Variants in SDR42E1 observed in about 807,000 individuals in gnomAD.
The protein encoded by SDR42E1 is short-chain dehydrogenase/reductase family 42E member 1.
Under a neutral mutation model 2.6 loss-of-function variants are expected in SDR42E1, and 5 were observed. The ratio of observed to expected loss-of-function variants is 1.94; its 90% CI spans 1.01 to 4.08. The LOEUF (loss-of-function observed/expected upper bound fraction) is 4.08, where lower values mean the gene tolerates loss of function less well. SDR42E1 is among the 30% of genes most tolerant of loss of function. The pLI, the probability that SDR42E1 is intolerant of heterozygous loss-of-function variation, is 0.00. For synonymous variants in SDR42E1, 231 were observed against 188.3 expected (o/e 1.23, Z -1.86); for missense variants, 596 against 478.6 (o/e 1.25, Z -2.29).
Position 81,992,801 on chromosome 16 carries a change from GA to G in SDR42E1, c.*6309del, listed in dbSNP as rs1362644396. The stretch of plus-strand genomic sequence containing the variant: ...TCGGTCATAATTACTTGAGTTCAAT[GA>G]ACTCAAGTAATTATGAACGCAACTT... On this transcript the variant is annotated 3_prime_UTR_variant, in exon 3 of 3. Transcript: ENST00000328945. 6.6e-6 allele frequency: 1 copy of G among 151,994 alleles called. No individual in the cohort carries two copies. Among genetic ancestry groups the G allele is most frequent in the Non-Finnish European group, 1.5e-5 (1 of 68,004 alleles). The allele number at this position is 151,994 out of a possible 1,614,324, so 9.4% of individuals were successfully genotyped here.
chr16:81,995,668 T>C lies in SDR42E1; in HGVS notation c.*3443A>G, dbSNP rs1256377736. 1 of 152,242 alleles carries C rather than the reference T, an allele frequency of 6.6e-6. No individual in the cohort carries two copies. Among genetic ancestry groups the C allele is most frequent in the Non-Finnish European group, 1.5e-5 (1 of 68,050 alleles). 9.4% of individuals were successfully genotyped at this position (152,242 alleles called of 1,614,324 possible). On this transcript the variant is annotated 3_prime_UTR_variant, in exon 3 of 3. Transcript: ENST00000328945. ...CCAAAAGATTAGAAACAGTGAGTTA[T>C]CTGTGTGCTAGAAAAGAGTGTTCAT...
intron 2 of SDR42E1, 22 bp from the exon 3 acceptor site, chr16:82,000,246 G>T (rs532678380): frequency 1.9e-6 from 3 of 1,600,512 alleles, no homozygotes; most frequent in Non-Finnish European, 2.5e-6. Flanking sequence ...AACAGTAAAC[G>T]TTGAATCAAG....
At chr16:82,009,494 T>C (rs1913056039) in intron 1 of SDR42E1, among the ~76,000 whole-genome samples, 2 of 152,160 alleles carry the variant, frequency 1.3e-5, no homozygotes, top group Non-Finnish European at 2.9e-5. Flanking sequence ...AGGAGGTCAT[T>C]TTGGAGTTTC....
At chr16:82,006,076 A>G (rs901654680) in intron 1 of SDR42E1, among the ~76,000 whole-genome samples, 5 of 152,192 alleles carry the variant, frequency 3.3e-5, no homozygotes, top group African/African-American at 1.2e-4. Flanking sequence ...GTTCAAGATG[A>G]CTGTGCTACT....
rs1303684512 is a variant in SDR42E1 at position 81,990,085 on chromosome 16, G to A, written c.*9026C>T. 1 of 152,382 alleles carries A rather than the reference G, an allele frequency of 6.6e-6. No homozygotes were observed. Among genetic ancestry groups the A allele is most frequent in the Non-Finnish European group, 1.5e-5 (1 of 68,182 alleles). 9.4% of individuals were successfully genotyped at this position (152,382 alleles called of 1,614,324 possible). ...TCACCACTTTGGGAGACTGAGGAAG[G>A]AGGATCACCTAAGGCCAGGAGTTTG... is the stretch of plus-strand genomic sequence containing the variant. On this transcript the variant is annotated 3_prime_UTR_variant, in exon 3 of 3. Transcript: ENST00000328945.
Position 81,999,724 on chromosome 16 carries a change from C to T in SDR42E1, c.569G>A (p.Gly190Glu), listed in dbSNP as rs1277171165. 6.2e-7 allele frequency: 1 copy of T among 1,614,192 alleles called. No homozygotes were observed. Among genetic ancestry groups the T allele is most frequent in the Admixed American group, 1.7e-5 (1 of 60,028 alleles). Residue 190 changes from glycine to glutamate, a missense_variant, in exon 3 of 3, where the codon GGG (glycine) becomes GAG (glutamate). Transcript: ENST00000328945. ...TCALRPAGIY[G>E]PGEQRHLPRI... The stretch of plus-strand genomic sequence containing the variant: ...GGGAAGGTGTCTTTGTTCTCCAGGC[C>T]CATAGATGCCAGCTGGCCTCAGAGC...
rs138275112 is a variant in SDR42E1, at chr16:81,994,863, T to C, written c.*4248A>G. The C allele has an allele frequency of 3.9e-5, 6 of 152,330 alleles. No homozygotes were observed. The East Asian group carries it at 9.7e-4, about 25-fold the overall frequency. The allele number at this position is 152,330 out of a possible 1,614,324, so 9.4% of individuals were successfully genotyped here. ...CTCTTTTATACACCATGTTAGATGG[T>C]TGAGGAAAATAAAACATTTTCTTGA... is the stretch of plus-strand genomic sequence containing the variant. On this transcript the variant is annotated 3_prime_UTR_variant, in exon 3 of 3. Coordinates refer to ENST00000328945, the MANE Select transcript of SDR42E1 (RefSeq NM_145168.3).
chr16:82,008,331 A>C (rs1259222738), intron 1 of SDR42E1, among the ~76,000 whole-genome samples: 1 of 152,218 alleles, frequency 6.6e-6, no homozygotes, highest in Non-Finnish European at 1.5e-5. Flanking sequence ...AGATATCTGA[A>C]AATGTGGAAG....
At chr16:82,000,713 G>T in intron 2 of SDR42E1, 78 bp downstream of exon 2, 1 of 1,046,284 alleles carries the variant, frequency 9.6e-7, no homozygotes, top group Non-Finnish European at 1.5e-6. Context: ...GTAAAAGTCT[G>T]CTCTGCTGTC....
chr16:81,993,381 G>C lies in SDR42E1; in HGVS notation c.*5730C>G, dbSNP rs1222575327. 1 of 152,152 alleles carries C rather than the reference G, an allele frequency of 6.6e-6. No individual in the cohort carries two copies. Among genetic ancestry groups the C allele is most frequent in the Non-Finnish European group, 1.5e-5 (1 of 68,040 alleles). 9.4% of individuals were successfully genotyped at this position (152,152 alleles called of 1,614,324 possible). Reference sequence around the variant, plus strand: ...CAGACTTTCTCAATCAGAAGCATCAGGGAAGAGTCTGGAGTCTGTATATCG... The same window carrying C: ...CAGACTTTCTCAATCAGAAGCATCACGGAAGAGTCTGGAGTCTGTATATCG... On this transcript the variant is annotated 3_prime_UTR_variant, in exon 3 of 3. Coordinates refer to ENST00000328945, the MANE Select transcript of SDR42E1 (RefSeq NM_145168.3).
chr16:82,001,209 A>G (rs1912747206), intron 1 of SDR42E1, among the ~76,000 whole-genome samples: 1 of 152,216 alleles, frequency 6.6e-6, no homozygotes, highest in Admixed American at 6.5e-5. Flanking sequence ...ATTCTTGAAA[A>G]TGATTAGAGC....
chr16:81,996,750 G>T lies in SDR42E1; in HGVS notation c.*2361C>A, dbSNP rs1045801468. 6.6e-6 allele frequency: 1 copy of T among 152,250 alleles called. No individual in the cohort carries two copies. The highest frequency in any genetic ancestry group is 1.9e-4 in the East Asian group (1 of 5,172). 9.4% of individuals were successfully genotyped at this position (152,250 alleles called of 1,614,324 possible). On this transcript the variant is annotated 3_prime_UTR_variant, in exon 3 of 3. Coordinates refer to ENST00000328945, the MANE Select transcript of SDR42E1 (RefSeq NM_145168.3). ...TGAGAAAATCTACCATTTCAAGCTG[G>T]AGTGGGAGACAGTAACAGAATTGGG...
chr16:82,000,429 AAG>A (rs1483675947), intron 2 of SDR42E1: 4 of 719,394 alleles, frequency 5.6e-6, no homozygotes, highest in Non-Finnish European at 9.9e-6. Context: ...TTAAATTACA[AAG>A]AGAGAGGCCT....
At position 81,999,781 on chromosome 16, in the gene SDR42E1, A is replaced by T; in HGVS notation, c.512T>A (p.Leu171Gln). ...TCTTAAGACACCGTCGCCTCTGTCCAGGGGTGTAGCATTCGCCTCCAGCAC... is the reference window on the plus strand; with the variant it reads ...TCTTAAGACACCGTCGCCTCTGTCCTGGGGTGTAGCATTCGCCTCCAGCAC... ...QKVLEANATP[L>Q]DRGDGVLRTC... is the part of the protein sequence containing the mutation. Residue 171 changes from leucine (L) to glutamine (Q), a missense_variant, in exon 3 of 3, where the codon CTG (leucine) becomes CAG (glutamine). Coordinates refer to ENST00000328945, the MANE Select transcript of SDR42E1 (RefSeq NM_145168.3). 2 of 1,614,200 alleles carry T rather than the reference A, an allele frequency of 1.2e-6. No individual in the cohort carries two copies. Among genetic ancestry groups the T allele is most frequent in the Non-Finnish European group, 1.7e-6 (2 of 1,180,022 alleles).
rs1393401327 is a variant in SDR42E1 at position 81,992,894 on chromosome 16, A to G, written c.*6217T>C. The G allele has an allele frequency of 6.6e-6, 1 of 152,132 alleles. No individual in the cohort carries two copies. The allele number at this position is 152,132 out of a possible 1,614,324, so 9.4% of individuals were successfully genotyped here. On this transcript the variant is annotated 3_prime_UTR_variant, in exon 3 of 3. Transcript: ENST00000328945. ...GAAGGGTAACATGGTATGAATTTGC[A>G]CAACTTAGAGATACCAGGGACTGGT...
intron 2 of SDR42E1, chr16:82,000,477 T>C: frequency 1.6e-6 from 1 of 642,972 alleles, no homozygotes; most frequent in East Asian, 2.8e-5. Flanking sequence ...TCCCCCTTGG[T>C]TCTAGGGCCC....
chr16:81,999,462 G>A lies in SDR42E1; in HGVS notation c.831C>T (p.Phe277=). The change falls in exon 3 of 3, where the codon TTC becomes TTT. Residue 277 remains phenylalanine, a synonymous_variant. Coordinates refer to ENST00000328945, the MANE Select transcript of SDR42E1 (RefSeq NM_145168.3). ...RPLVEGLGYT[F]PSTRLPLTLV... is the part of the protein sequence containing the mutation. ...AGGTCAATGGCAGGCGGGTAGACGG[G>A]AATGTGTAGCCCAGGCCCTCAACCA... The A allele has an allele frequency of 3.1e-6, 5 of 1,614,190 alleles. No individual in the cohort carries two copies. The highest frequency in any genetic ancestry group is 1.1e-5 in the South Asian group (1 of 91,090).
At chr16:82,004,908 C>T (rs982029231) in intron 1 of SDR42E1, among the ~76,000 whole-genome samples, 6 of 152,110 alleles carry the variant, frequency 3.9e-5, no homozygotes, top group African/African-American at 1.4e-4. Context: ...CGTGCTGCAC[C>T]CAGGTGATGT....
intron 1 of SDR42E1, among the ~76,000 whole-genome samples, chr16:82,005,693 T>C (rs937281786): frequency 2.0e-5 from 3 of 152,198 alleles, no homozygotes; most frequent in Non-Finnish European, 4.4e-5. Flanking sequence ...CCTGCCTTTA[T>C]AATGGCAAGT....
Sources: gnomAD v4.1 joint callset for allele counts (sites outside exome capture counted in the v4.1 genomes callset) on GRCh38, gnomAD v4.1.1 for gene constraint, MANE v1.5 for transcripts, NCBI Gene and HGNC (gene_info 2026-07-23, HGNC 2026-07-21) for gene names.